RBFOX1: variants seen among roughly 807,000 people sequenced by gnomAD.
RBFOX1 encodes the protein RNA binding fox-1 homolog 1, also known as RNA binding protein fox-1 homolog 1.
A neutral mutation model predicts 57.7 loss-of-function variants in RBFOX1; 8 were observed. That is an observed-to-expected ratio of 0.14 (90% CI 0.08 to 0.25). RBFOX1 has a LOEUF of 0.25. Among genes scored for constraint, RBFOX1 ranks in the 10% least tolerant of loss-of-function variants. The pLI, the probability that RBFOX1 is intolerant of heterozygous loss-of-function variation, is 1.00. For missense variants in RBFOX1, 611 were observed against 548.5 expected (o/e 1.11, Z -1.14); for synonymous variants, 326 against 222.4 (o/e 1.47, Z -4.15).
intron 13 of RBFOX1, among the ~76,000 whole-genome samples, chr16:7,675,735 C>A (rs2191135): frequency 3.3e-5 from 5 of 151,704 alleles, no homozygotes; most frequent in Admixed American, 1.3e-4. Context: ...TACCTTCTCA[C>A]ACACTACTTT....
intron 4 of RBFOX1, among the ~76,000 whole-genome samples, chr16:7,422,580 C>A (rs924533577): frequency 1.3e-5 from 2 of 152,070 alleles, no homozygotes; most frequent in Non-Finnish European, 2.9e-5. Flanking sequence ...GTGCATTAAC[C>A]GGATGGAGCA....
intron 3 of RBFOX1, among the ~76,000 whole-genome samples, chr16:5,853,112 A>G (rs968734414): frequency 5.9e-5 from 9 of 152,012 alleles, no homozygotes; most frequent in Middle Eastern, 3.2e-3. Context: ...TCTTGTGTAG[A>G]GAAAGGAGGC....
At chr16:6,786,718 T>G (rs1344978372) in intron 3 of RBFOX1, among the ~76,000 whole-genome samples, 3 of 152,104 alleles carry the variant, frequency 2.0e-5, no homozygotes, top group Admixed American at 2.0e-4. Flanking sequence ...ACTACGGTGC[T>G]CCCATCTAGC....
intron 4 of RBFOX1, among the ~76,000 whole-genome samples, chr16:7,217,056 T>TCCCTCCCTCCCTTCCTCCCTCC (rs1322387691): frequency 1.8e-5 from 1 of 56,040 alleles, no homozygotes; most frequent in African/African-American, 6.8e-5. Context: ...TCCCTCCCTC[T>TCCCTCCCTCCCTTCCTCCCTCC]CTCTCCCTCT....
At chr16:6,309,227 C>T (rs1402966101) in intron 1 of RBFOX1, among the ~76,000 whole-genome samples, 1 of 152,026 alleles carries the variant, frequency 6.6e-6, no homozygotes, top group Non-Finnish European at 1.5e-5. Context: ...AAGTTTGGAG[C>T]CAACTAAAAA....
chr16:5,896,476 C>T (rs2058166188), intron 4 of RBFOX1, among the ~76,000 whole-genome samples: 2 of 152,206 alleles, frequency 1.3e-5, no homozygotes, highest in African/African-American at 4.8e-5. Flanking sequence ...CATGGCTTCT[C>T]TGCACATGTG....
intron 4 of RBFOX1, among the ~76,000 whole-genome samples, chr16:7,300,572 T>G (rs2096007664): frequency 6.6e-6 from 1 of 152,190 alleles, no homozygotes; most frequent in Non-Finnish European, 1.5e-5. Flanking sequence ...TCTGTCTAAC[T>G]GGAGTCTTGC....
intron 4 of RBFOX1, among the ~76,000 whole-genome samples, chr16:7,438,931 A>T (rs995200815): frequency 2.6e-5 from 4 of 152,194 alleles, no homozygotes; most frequent in African/African-American, 9.7e-5. Context: ...CCTGGGAATA[A>T]AAAGAAAGCC....
At chr16:6,353,658 C>A (rs1169941891) in intron 2 of RBFOX1, among the ~76,000 whole-genome samples, 1 of 152,006 alleles carries the variant, frequency 6.6e-6, no homozygotes, top group Admixed American at 6.6e-5. Context: ...TATCTAAGGA[C>A]CCTCGATGTC....
intron 2 of RBFOX1, among the ~76,000 whole-genome samples, chr16:6,635,229 C>G (rs1017564510): frequency 3.3e-5 from 5 of 149,814 alleles, no homozygotes; most frequent in African/African-American, 1.2e-4. Context: ...ATATATAATA[C>G]TTTCAATTTA....
intron 2 of RBFOX1, among the ~76,000 whole-genome samples, chr16:6,357,972 A>T (rs1032284481): frequency 1.3e-5 from 2 of 151,704 alleles, no homozygotes; most frequent in Non-Finnish European, 2.9e-5. Context: ...AGAAAAAAAA[A>T]AAAAAAGAAA....
chr16:5,576,361 G>C (rs925274927), intron 2 of RBFOX1, among the ~76,000 whole-genome samples: 1 of 152,032 alleles, frequency 6.6e-6, no homozygotes, highest in African/African-American at 2.4e-5. Flanking sequence ...TTCTCCTTCA[G>C]TCCCTCCCTA....
At chr16:5,357,021 C>T (rs1474671065) in intron 1 of RBFOX1, among the ~76,000 whole-genome samples, 1 of 152,166 alleles carries the variant, frequency 6.6e-6, no homozygotes, top group South Asian at 2.1e-4. Flanking sequence ...GAGATGGAGG[C>T]TTACAGAGTT....
At chr16:5,908,324 A>ATG (rs2058526053) in intron 4 of RBFOX1, among the ~76,000 whole-genome samples, 1 of 134,740 alleles carries the variant, frequency 7.4e-6, no homozygotes, top group African/African-American at 3.3e-5. Flanking sequence ...ACACACACAC[A>ATG]TATATATATG....
chr16:5,694,684 G>A (rs144062630), intron 3 of RBFOX1, among the ~76,000 whole-genome samples: 49 of 151,956 alleles, frequency 3.2e-4, no homozygotes, highest in Admixed American at 7.9e-4. Flanking sequence ...TACCTCTTAG[G>A]GAGACTGGCC....
intron 1 of RBFOX1, among the ~76,000 whole-genome samples, chr16:6,204,782 C>T (rs1052920438): frequency 4.6e-5 from 7 of 152,020 alleles, no homozygotes; most frequent in African/African-American, 1.7e-4. Flanking sequence ...ACAATGGATG[C>T]CTTTTGTCAG....
chr16:5,560,034 C>T (rs553553060), intron 2 of RBFOX1, among the ~76,000 whole-genome samples: 2 of 152,152 alleles, frequency 1.3e-5, no homozygotes, highest in Non-Finnish European at 2.9e-5. Flanking sequence ...TCTTGTCTGT[C>T]TTATAACCTA....
intron 14 of RBFOX1, among the ~76,000 whole-genome samples, chr16:7,699,821 C>T (rs141032312): frequency 2.0e-5 from 3 of 151,920 alleles, no homozygotes; most frequent in Non-Finnish European, 4.4e-5. Flanking sequence ...TTCTCTCAAT[C>T]CCATTTTAGA....
At chr16:5,413,812 G>T (rs923811095) in intron 1 of RBFOX1, among the ~76,000 whole-genome samples, 1 of 152,116 alleles carries the variant, frequency 6.6e-6, no homozygotes, top group Non-Finnish European at 1.5e-5. Context: ...AGGTGTGGAG[G>T]GTAATGGTGA....
Sources: allele counts gnomAD v4.1 joint callset (sites outside exome capture counted in the v4.1 genomes callset), GRCh38; gene constraint gnomAD v4.1.1; transcripts MANE v1.5; gene names NCBI Gene and HGNC (gene_info 2026-07-23, HGNC 2026-07-21).